SLC25A26: variants seen among roughly 807,000 people sequenced by gnomAD.
SLC25A26 encodes the protein mitochondrial S-adenosylmethionine carrier protein.
SLC25A26 carries 36 observed loss-of-function variants against 37.8 expected under a neutral mutation model. The ratio of observed to expected loss-of-function variants is 0.95; its 90% CI spans 0.73 to 1.26. The LOEUF (loss-of-function observed/expected upper bound fraction) is 1.26, where lower values mean the gene tolerates loss of function less well. Ranked by LOEUF, SLC25A26 falls within the 50% of genes most tolerant of loss-of-function variation. SLC25A26 has a pLI of 0.00. For missense variants in SLC25A26, 390 were observed against 331.1 expected (o/e 1.18, Z -1.38); for synonymous variants, 129 against 122.5 (o/e 1.05, Z -0.35).
At chr3:66,368,893 C>G (rs574986680) in intron 7 of SLC25A26, among the ~76,000 whole-genome samples, 1 of 151,944 alleles carries the variant, frequency 6.6e-6, no homozygotes, top group South Asian at 2.1e-4. Flanking sequence ...TGGTGCGCAG[C>G]TGTAGTCCCA....
At chr3:66,226,190 A>T (rs1465072643) in intron 1 of SLC25A26, among the ~76,000 whole-genome samples, 2 of 152,222 alleles carry the variant, frequency 1.3e-5, no homozygotes, top group Non-Finnish European at 2.9e-5. Flanking sequence ...TAACAGTTCC[A>T]CATGGCTGGC....
At chr3:66,361,635 A>G (rs1034357961) in intron 6 of SLC25A26, among the ~76,000 whole-genome samples, 3 of 152,220 alleles carry the variant, frequency 2.0e-5, no homozygotes, top group Non-Finnish European at 4.4e-5. Context: ...AGATAAGTAC[A>G]TGAAAAGCAA....
chr3:66,204,425 CAAAA>C (rs1253739560), intron 1 of SLC25A26, among the ~76,000 whole-genome samples: 1 of 66,970 alleles, frequency 1.5e-5, no homozygotes, highest in Non-Finnish European at 2.6e-5. Flanking sequence ...TACTCCGTCT[CAAAA>C]AAAAAAAAAA....
chr3:66,169,470 G>A (rs1010714761), intron 1 of SLC25A26, among the ~76,000 whole-genome samples: 2 of 152,194 alleles, frequency 1.3e-5, no homozygotes, highest in Non-Finnish European at 2.9e-5. Context: ...CAGCTCAGCT[G>A]ACTCTCCAGG....
intron 1 of SLC25A26, among the ~76,000 whole-genome samples, chr3:66,195,655 G>A (rs1187655283): frequency 6.6e-6 from 1 of 152,188 alleles, no homozygotes; most frequent in African/African-American, 2.4e-5. Flanking sequence ...TCTTCTGGTT[G>A]TGTGGTCCGT....
At chr3:66,242,886 C>T (rs1188517293) in intron 2 of SLC25A26, among the ~76,000 whole-genome samples, 1 of 152,150 alleles carries the variant, frequency 6.6e-6, no homozygotes, top group Non-Finnish European at 1.5e-5. Flanking sequence ...CACAGAAATT[C>T]ATATCCTTTT....
intron 5 of SLC25A26, 137 bp downstream of exon 5, chr3:66,263,516 T>C (rs1168777583): frequency 1.6e-5 from 10 of 640,628 alleles, no homozygotes; most frequent in Non-Finnish European, 2.8e-5. Context: ...ATCGTCACTC[T>C]TCTGTTAAAT....
At chr3:66,306,552 C>A (rs1351490998) in intron 5 of SLC25A26, among the ~76,000 whole-genome samples, 1 of 151,922 alleles carries the variant, frequency 6.6e-6, no homozygotes, top group Non-Finnish European at 1.5e-5. Context: ...AGGTTTGTTA[C>A]ATAGGTATAC....
At chr3:66,198,190 A>G (rs2071069406) in intron 1 of SLC25A26, among the ~76,000 whole-genome samples, 1 of 152,076 alleles carries the variant, frequency 6.6e-6, no homozygotes, top group African/African-American at 2.4e-5. Context: ...ATCACTGTCT[A>G]GGTCAGGGTG....
At position 66,204,440 on chromosome 3, in the gene SLC25A26, G is replaced by GA. The variant is rs1210041519; in HGVS notation, c.-353-16295dup. Among the ~76,000 whole-genome samples the GA allele has an allele frequency of 3.2e-4, 36 of 110,814 alleles. 2 individuals are homozygous for GA. Among genetic ancestry groups the GA allele is most frequent in the South Asian group, 5.4e-4 (2 of 3,738 alleles). The allele number at this position is 110,814 out of a possible 152,430, so 72.7% of individuals were successfully genotyped here. On this transcript the variant is annotated intron_variant, in intron 1 of 10. Transcript: ENST00000676754. ...TACTCCGTCTCAAAAAAAAAAAAAA[G>GA]AAAAAAAGAAAAAAGAAAGAAAAAG...
At chr3:66,220,130 A>T (rs1385599340), upstream of SLC25A26, among the ~76,000 whole-genome samples, 1 of 152,232 alleles carries the variant, frequency 6.6e-6, no homozygotes, top group African/African-American at 2.4e-5. Context: ...GGCATTAAGT[A>T]TATTTTCAGT....
Position 66,138,162 on chromosome 3 carries a change from A to C in SLC25A26, c.-354+4178A>C, listed in dbSNP as rs558175613. On this transcript the variant is annotated intron_variant, in intron 1 of 10. Transcript: ENST00000676754. ...ATGAACATTTTCTATGGCATTATTA[A>C]ACAGAGAGTATTGCATGTGAACACG... Among the ~76,000 whole-genome samples, 10 of 152,284 alleles carry C rather than the reference A, an allele frequency of 6.6e-5. No homozygotes were observed. In the South Asian group the frequency reaches 2.1e-3, roughly 32 times the overall value.
chr3:66,220,334 A>C (rs2071434561), upstream of SLC25A26, among the ~76,000 whole-genome samples: 1 of 152,238 alleles, frequency 6.6e-6, no homozygotes. Context: ...AGAAGTTTAC[A>C]AGGTATTTGT....
chr3:66,289,930 A>G (rs1185805871), intron 5 of SLC25A26, among the ~76,000 whole-genome samples: 2 of 152,130 alleles, frequency 1.3e-5, no homozygotes, highest in African/African-American at 2.4e-5. Context: ...TTTCACGTTA[A>G]TGATTCTTCT....
At chr3:66,285,127 A>G (rs2107472175) in intron 5 of SLC25A26, among the ~76,000 whole-genome samples, 1 of 152,302 alleles carries the variant, frequency 6.6e-6, no homozygotes, top group South Asian at 2.1e-4. Context: ...TTCCTTTATA[A>G]TTATCTATTA....
intron 5 of SLC25A26, among the ~76,000 whole-genome samples, chr3:66,287,854 A>G (rs1480882211): frequency 6.6e-6 from 1 of 152,254 alleles, no homozygotes; most frequent in Non-Finnish European, 1.5e-5. Flanking sequence ...TTGAAACTCT[A>G]AAAATCATGG....
Position 66,285,572 on chromosome 3 carries a change from G to T in SLC25A26, c.453+22193G>T, listed in dbSNP as rs531443940. Among the ~76,000 whole-genome samples the T allele has an allele frequency of 5.4e-4, 81 of 150,758 alleles. 1 individual carries two copies. The highest frequency in any genetic ancestry group is 1.5e-3 in the African/African-American group (60 of 40,766). On this transcript the variant is annotated intron_variant, in intron 5 of 9. Transcript: ENST00000354883. ...CCTCCCGGGTTCAAGTGGTTCTCCA[G>T]CGTCAGCCTCCTGAGTAGCTGGGAC...
intron 3 of SLC25A26, among the ~76,000 whole-genome samples, chr3:66,250,314 T>A (rs2073031317): frequency 6.6e-6 from 1 of 152,176 alleles, no homozygotes; most frequent in Non-Finnish European, 1.5e-5. Flanking sequence ...AATGACAGGA[T>A]AAGATACTGC....
At chr3:66,164,940 T>C (rs2106719418) in intron 1 of SLC25A26, among the ~76,000 whole-genome samples, 1 of 152,300 alleles carries the variant, frequency 6.6e-6, no homozygotes, top group East Asian at 1.9e-4. Context: ...GAAGAAGCTG[T>C]GGTAGCCAGC....
Sources: allele counts gnomAD v4.1 joint callset (sites outside exome capture counted in the v4.1 genomes callset), GRCh38; gene constraint gnomAD v4.1.1; transcripts MANE v1.5; gene names NCBI Gene and HGNC (gene_info 2026-07-23, HGNC 2026-07-21).